The following ELAPOR2 variants were observed in gnomAD, a reference collection of about 807,000 sequenced individuals.
The protein encoded by ELAPOR2 is endosome-lysosome associated apoptosis and autophagy regulator family member 2, also known as endosome/lysosome-associated apoptosis and autophagy regulator family member 2.
A neutral mutation model predicts 120.7 loss-of-function variants in ELAPOR2; 89 were observed. That is an observed-to-expected ratio of 0.74 (90% confidence interval 0.62 to 0.88). ELAPOR2 has a LOEUF of 0.88. Among genes scored for constraint, ELAPOR2 ranks in the 40% least tolerant of loss-of-function variants. The probability of loss-of-function intolerance (pLI) is 0.00; values close to 1 mark genes in which losing one functional copy is unlikely to be tolerated. For synonymous variants in ELAPOR2, 444 were observed against 444.9 expected, an observed-to-expected ratio of 1.00 and a Z score of 0.03; for missense variants, 1,134 against 1,251.6, an observed-to-expected ratio of 0.91 and a Z score of 1.42.
At chr7:86,894,851 C>G (rs149929675) in intron 19 of ELAPOR2, among the ~76,000 whole-genome samples, 1 of 152,000 alleles carries the variant, frequency 6.6e-6, no homozygotes, top group Non-Finnish European at 1.5e-5. Context: ...ATCTTTAGTG[C>G]TGCATGACAT....
chr7:87,049,486 G>T (rs935506281), intron 1 of ELAPOR2, among the ~76,000 whole-genome samples: 2 of 152,118 alleles, frequency 1.3e-5, no homozygotes, highest in Admixed American at 6.5e-5. Flanking sequence ...GTTTCACCGT[G>T]TTAGCTAGGA....
rs1004745015 is a variant in ELAPOR2 at position 86,883,061 on chromosome 7, T to A, written c.3031-2531A>T. Among the ~76,000 whole-genome samples the A allele has an allele frequency of 2.2e-4, 33 of 149,156 alleles. No homozygotes were observed. In the East Asian group the frequency reaches 4.0e-3, roughly 18 times the overall value. On this transcript the variant is annotated intron_variant, in intron 21 of 21. Transcript: ENST00000450689. ...GTGTGTGTGTGTGTGTGTGTGTGTGTGAAAGACATGTGTCCTCCCCTAATA... is the reference window on the plus strand; with the variant it reads ...GTGTGTGTGTGTGTGTGTGTGTGTGAGAAAGACATGTGTCCTCCCCTAATA...
Position 86,913,127 on chromosome 7 carries a change from T to A in ELAPOR2, c.1809A>T (p.Ser603=), listed in dbSNP as rs769205927. Residue 603 remains serine (S), a synonymous_variant, in exon 14 of 22, where the codon TCA becomes TCT. Coordinates refer to ENST00000450689, the MANE Select transcript of ELAPOR2 (RefSeq NM_001142749.3). Reference sequence around the variant, plus strand: ...CAGAACCGAGGGCACAGGCACGGCATGAGGACGCCACCCCATCAACTGCAT... The same window carrying A: ...CAGAACCGAGGGCACAGGCACGGCAAGAGGACGCCACCCCATCAACTGCAT... ...ATNAVDGVAS[S]CRACALGSEQ... is the part of the protein sequence containing the mutation. The A allele has an allele frequency of 1.2e-6, 2 of 1,614,058 alleles. No homozygotes were observed. The highest frequency in any genetic ancestry group is 1.7e-6 in the Non-Finnish European group (2 of 1,179,990).
At position 87,059,425 on chromosome 7, in the gene ELAPOR2, C is replaced by G. The variant is rs960252685; in HGVS notation, c.89G>C (p.Ser30Thr). 172 of 1,236,662 alleles carry G rather than the reference C, an allele frequency of 1.4e-4. No individual in the cohort carries two copies. The highest frequency in any genetic ancestry group is 9.3e-4 in the Middle Eastern group (3 of 3,226). The allele number at this position is 1,236,662 out of a possible 1,614,324, so 76.6% of individuals were successfully genotyped here. ...CGCCCAGCAGCAAATCCAGGCGGGG[C>G]TCCAGGGCGGCGAGCGCCCGCGGCG... ...APRRGRSPPW[S>T]PAWICCWALA... The change falls in exon 1 of 22, where the codon AGC becomes ACC. Residue 30 changes from serine (S) to threonine (T), a missense_variant. Transcript: ENST00000450689.
chr7:87,020,390 A>G (rs560365385), intron 1 of ELAPOR2, among the ~76,000 whole-genome samples: 8 of 152,192 alleles, frequency 5.3e-5, no homozygotes, highest in Non-Finnish European at 1.0e-4. Context: ...CCATCAATGG[A>G]TGAATGTAAA....
intron 1 of ELAPOR2, among the ~76,000 whole-genome samples, chr7:86,966,365 A>C (rs1313800527): frequency 6.6e-6 from 1 of 152,152 alleles, no homozygotes; most frequent in Non-Finnish European, 1.5e-5. Flanking sequence ...TATCACTTTC[A>C]ATATTTTTAA....
At chr7:86,961,797 G>C (rs1032785470) in intron 2 of ELAPOR2, among the ~76,000 whole-genome samples, 1 of 152,184 alleles carries the variant, frequency 6.6e-6, no homozygotes, top group Non-Finnish European at 1.5e-5. Context: ...GCAAGACCTT[G>C]AATGATGGAT....
chr7:86,940,923 A>G (rs1162374254), intron 5 of ELAPOR2, among the ~76,000 whole-genome samples: 1 of 152,106 alleles, frequency 6.6e-6, no homozygotes, highest in Non-Finnish European at 1.5e-5. Context: ...TAAAAAAAGT[A>G]TATTTATTTT....
intron 2 of ELAPOR2, among the ~76,000 whole-genome samples, chr7:86,953,394 A>T (rs576923376): frequency 2.4e-4 from 36 of 152,202 alleles, no homozygotes; most frequent in Admixed American, 4.6e-4. Context: ...CCACAAGACT[A>T]TGTCAACAGA....
At chr7:87,044,861 G>C (rs1288386318) in intron 1 of ELAPOR2, among the ~76,000 whole-genome samples, 5 of 149,812 alleles carry the variant, frequency 3.3e-5, no homozygotes, top group Non-Finnish European at 7.4e-5. Flanking sequence ...CTACTCATCT[G>C]ACAAAGGGCT....
At chr7:86,957,925 A>G (rs1458354285) in intron 2 of ELAPOR2, among the ~76,000 whole-genome samples, 1 of 152,230 alleles carries the variant, frequency 6.6e-6, no homozygotes, top group Non-Finnish European at 1.5e-5. Flanking sequence ...TATAAAGAGA[A>G]CATTAATCAA....
chr7:87,000,077 T>C (rs928788130), intron 1 of ELAPOR2, among the ~76,000 whole-genome samples: 9 of 152,068 alleles, frequency 5.9e-5, no homozygotes, highest in African/African-American at 2.2e-4. Context: ...GCATGAACTG[T>C]GGAAAGTTAA....
chr7:86,904,034 T>C (rs747106683), intron 18 of ELAPOR2, among the ~76,000 whole-genome samples: 7 of 152,130 alleles, frequency 4.6e-5, no homozygotes, highest in Admixed American at 1.3e-4. Flanking sequence ...GAGAGCATTA[T>C]GGCATGAAAA....
intron 5 of ELAPOR2, among the ~76,000 whole-genome samples, chr7:86,940,847 A>G (rs1161887468): frequency 6.6e-6 from 1 of 152,096 alleles, no homozygotes; most frequent in Non-Finnish European, 1.5e-5. Flanking sequence ...CAACTATTTC[A>G]GTGAAGCAGT....
At chr7:87,034,789 A>G (rs572063517) in intron 1 of ELAPOR2, among the ~76,000 whole-genome samples, 239 of 152,278 alleles carry the variant, frequency 1.6e-3, no homozygotes, top group Non-Finnish European at 2.8e-3. Flanking sequence ...AAGACAGAAT[A>G]AGAATGTGTG....
At chr7:87,011,543 C>T (rs942618527) in intron 1 of ELAPOR2, among the ~76,000 whole-genome samples, 2 of 152,148 alleles carry the variant, frequency 1.3e-5, no homozygotes, top group East Asian at 3.8e-4. Flanking sequence ...ATACTCAGTA[C>T]AATTTTTCCG....
intron 1 of ELAPOR2, among the ~76,000 whole-genome samples, chr7:87,027,870 A>T (rs981092121): frequency 1.4e-4 from 22 of 152,278 alleles, no homozygotes; most frequent in African/African-American, 5.1e-4. Flanking sequence ...ATACAAAAGG[A>T]TATCCCCAAA....
chr7:86,947,868 T>C lies in ELAPOR2; in HGVS notation c.365A>G (p.Lys122Arg). The stretch of plus-strand genomic sequence containing the variant: ...CAAGGAATAGGTGCCTTCACCACAC[T>C]TACTGCATACCTGGTTCTTCATTTC... ...YLEMKNQVCS[K>R]CGEGTYSLGS... is the part of the protein sequence containing the mutation. The change falls in exon 3 of 22, where the codon AAG (lysine) becomes AGG (arginine). Residue 122 changes from lysine to arginine, a missense_variant. Transcript: ENST00000450689. 2 of 1,552,204 alleles carry C rather than the reference T, an allele frequency of 1.3e-6. No homozygotes were observed. Among genetic ancestry groups the C allele is most frequent in the South Asian group, 1.2e-5 (1 of 84,058 alleles).
chr7:86,990,327 C>A (rs914649278), intron 1 of ELAPOR2, among the ~76,000 whole-genome samples: 1 of 150,082 alleles, frequency 6.7e-6, no homozygotes, highest in Non-Finnish European at 1.5e-5. Context: ...GGATTACAGG[C>A]ATGAGCCAGG....
Sources: allele counts gnomAD v4.1 joint callset (sites outside exome capture counted in the v4.1 genomes callset), GRCh38; gene constraint gnomAD v4.1.1; transcripts MANE v1.5; gene names NCBI Gene and HGNC (gene_info 2026-07-23, HGNC 2026-07-21).